Variants in MCC observed in about 807,000 individuals in gnomAD.
The protein encoded by MCC is colorectal mutant cancer protein.
Under a neutral mutation model 116.2 loss-of-function variants are expected in MCC, and 90 were observed. That is an observed-to-expected ratio of 0.77 (90% confidence interval 0.65 to 0.92). MCC has a LOEUF of 0.92. MCC is among the 40% of genes least tolerant of loss of function. The pLI is 0.00. For missense variants in MCC, 1,516 were observed against 1,312.2 expected (o/e 1.16, Z -2.40); for synonymous variants, 578 against 510.5 (o/e 1.13, Z -1.78).
intron 5 of MCC, among the ~76,000 whole-genome samples, chr5:113,123,781 A>T (rs1249491672): frequency 1.3e-5 from 2 of 152,162 alleles, no homozygotes; most frequent in Non-Finnish European, 2.9e-5. Context: ...CTGTCAGGGG[A>T]TTTAACTGGG....
At chr5:113,422,781 T>G (rs887198822) in intron 1 of MCC, among the ~76,000 whole-genome samples, 2 of 152,170 alleles carry the variant, frequency 1.3e-5, no homozygotes, top group African/African-American at 4.8e-5. Flanking sequence ...TAGGAATTAG[T>G]GGATCCTCTA....
intron 5 of MCC, among the ~76,000 whole-genome samples, chr5:113,124,212 G>A (rs1272723068): frequency 6.6e-6 from 1 of 152,190 alleles, no homozygotes; most frequent in Admixed American, 6.5e-5. Flanking sequence ...AATGTTCTAT[G>A]AATAAGTTAA....
chr5:113,254,287 AACTT>A (rs1764921991), intron 3 of MCC, among the ~76,000 whole-genome samples: 1 of 152,220 alleles, frequency 6.6e-6, no homozygotes, highest in African/African-American at 2.4e-5. Flanking sequence ...TGTTTCTGAA[AACTT>A]ACTTTATAAT....
chr5:113,049,575 A>G (rs939748530), intron 15 of MCC, among the ~76,000 whole-genome samples: 2 of 152,258 alleles, frequency 1.3e-5, no homozygotes, highest in Non-Finnish European at 2.9e-5. Flanking sequence ...TTGTGGTTCA[A>G]TATAGGGAAA....
chr5:113,364,264 G>A (rs529211714), intron 2 of MCC, among the ~76,000 whole-genome samples: 3,168 of 100,272 alleles, frequency 0.032, 3 homozygotes, highest in Middle Eastern at 0.048. Flanking sequence ...AAAAAAACCA[G>A]AAAAAAAAAA....
At chr5:113,480,356 T>C (rs1314106344) in intron 1 of MCC, among the ~76,000 whole-genome samples, 2 of 152,272 alleles carry the variant, frequency 1.3e-5, no homozygotes, top group Non-Finnish European at 2.9e-5. Flanking sequence ...AAGGTGTTTA[T>C]TCTAGCATTA....
chr5:113,368,393 T>C (rs1241940423), intron 2 of MCC, among the ~76,000 whole-genome samples: 2 of 152,170 alleles, frequency 1.3e-5, no homozygotes, highest in Non-Finnish European at 2.9e-5. Context: ...TCATAGACTA[T>C]TTTGTTGATG....
chr5:113,099,737 A>T (rs1294796430), intron 8 of MCC, among the ~76,000 whole-genome samples: 1 of 152,108 alleles, frequency 6.6e-6, no homozygotes, highest in East Asian at 1.9e-4. Context: ...CTTAATACTG[A>T]CCTCCAGAGT....
At chr5:113,384,338 C>T (rs1240998422) in intron 2 of MCC, among the ~76,000 whole-genome samples, 1 of 152,176 alleles carries the variant, frequency 6.6e-6, no homozygotes, top group Admixed American at 6.5e-5. Flanking sequence ...CCTGTAATCC[C>T]AGCACTTTGG....
intron 1 of MCC, among the ~76,000 whole-genome samples, chr5:113,464,323 T>C (rs1580409962): frequency 1.3e-5 from 2 of 152,332 alleles, no homozygotes; most frequent in African/African-American, 4.8e-5. Context: ...CTACTACTCT[T>C]CTTTTCTCAC....
chr5:113,382,546 G>A (rs1769150566), intron 2 of MCC, among the ~76,000 whole-genome samples: 1 of 152,052 alleles, frequency 6.6e-6, no homozygotes, highest in African/African-American at 2.4e-5. Context: ...GAGCCATGGT[G>A]CCCAGCCTAA....
At chr5:113,394,704 A>G (rs1048273192) in intron 1 of MCC, among the ~76,000 whole-genome samples, 5 of 152,196 alleles carry the variant, frequency 3.3e-5, no homozygotes, top group African/African-American at 1.2e-4. Context: ...TGTATCTCAC[A>G]TAACTCCCAG....
chr5:113,049,879 C>A (rs1214005438), intron 15 of MCC, among the ~76,000 whole-genome samples: 1 of 152,176 alleles, frequency 6.6e-6, no homozygotes, highest in Non-Finnish European at 1.5e-5. Flanking sequence ...CAAATGAAAT[C>A]AATAGAAACA....
chr5:113,485,197 G>A (rs10074847), intron 1 of MCC, among the ~76,000 whole-genome samples: 5,033 of 152,062 alleles, frequency 0.033, 306 homozygotes, highest in African/African-American at 0.11. Context: ...TTCCCCTCAC[G>A]GCCCAGTTTC....
intron 5 of MCC, among the ~76,000 whole-genome samples, chr5:113,135,700 A>G (rs1038344437): frequency 2.6e-5 from 4 of 152,086 alleles, no homozygotes; most frequent in Non-Finnish European, 5.9e-5. Context: ...TAGATACGTA[A>G]CCTACCTACT....
At position 113,434,105 on chromosome 5, in the gene MCC, G is replaced by A; in HGVS notation, c.171-48893C>T. 6.2e-7 allele frequency: 1 copy of A among 1,614,194 alleles called. No individual in the cohort carries two copies. The highest frequency in any genetic ancestry group is 8.5e-7 in the Non-Finnish European group (1 of 1,180,022). On this transcript the variant is annotated intron_variant, in intron 1 of 18. Coordinates refer to ENST00000408903, the MANE Select transcript of MCC (RefSeq NM_001085377.2). This position sits in a 1 kb window ranked among gnomAD's most constrained non-coding sequence, Gnocchi z 4.2. ...GCAGCATGTGGTAGATGAGGTCCTT[G>A]CACTCGCCTGTCAGGTGCTTGGAGC... is the stretch of plus-strand genomic sequence containing the variant.
At chr5:113,408,558 G>C (rs147729647) in intron 1 of MCC, among the ~76,000 whole-genome samples, 2 of 152,158 alleles carry the variant, frequency 1.3e-5, no homozygotes, top group African/African-American at 4.8e-5. Context: ...TAGCGCTGAG[G>C]TTCTTAAAAT....
chr5:113,185,837 G>A (rs1761872336), intron 3 of MCC, among the ~76,000 whole-genome samples: 1 of 152,160 alleles, frequency 6.6e-6, no homozygotes, highest in South Asian at 2.1e-4. Flanking sequence ...ATGACACTCT[G>A]CAATCTTAGG....
chr5:113,470,593 T>G (rs1772058276), intron 1 of MCC, among the ~76,000 whole-genome samples: 1 of 152,154 alleles, frequency 6.6e-6, no homozygotes, highest in African/African-American at 2.4e-5. Context: ...AACCTGACCT[T>G]TCCCTCTGGC....
Sources: gnomAD v4.1 joint callset for allele counts (sites outside exome capture counted in the v4.1 genomes callset) on GRCh38, gnomAD v4.1.1 for gene constraint, Gnocchi (gnomAD v3.1) non-coding constraint, MANE v1.5 for transcripts, NCBI Gene and HGNC (gene_info 2026-07-23, HGNC 2026-07-21) for gene names.